Variants in RAI1 observed in about 807,000 individuals in gnomAD.
The protein encoded by RAI1 is retinoic acid induced 1.
RAI1 carries 9 observed loss-of-function variants against 123.8 expected under a neutral mutation model. The observed-to-expected ratio is 0.07, with a 90% CI of 0.04 to 0.13. The LOEUF (loss-of-function observed/expected upper bound fraction) is 0.13. RAI1 is among the 10% of genes least tolerant of loss of function. The pLI is 1.00. For synonymous variants in RAI1, 1,231 were observed against 1,127.3 expected (o/e 1.09, Z -1.84); for missense variants, 2,256 against 2,545.8 (o/e 0.89, Z 2.45).
In RAI1 at chr17:17,810,206, C is replaced by T; in HGVS notation, c.*225C>T. 4.7e-6 allele frequency: 3 copies of T among 642,252 alleles called. No individual in the cohort carries two copies. The highest frequency in any genetic ancestry group is 7.7e-6 in the Non-Finnish European group (3 of 387,988). The allele number at this position is 642,252 out of a possible 1,614,324, so 39.8% of individuals were successfully genotyped here. On this transcript the variant is annotated 3_prime_UTR_variant, in exon 6 of 6. Transcript: ENST00000353383. This position sits in a 1 kb window ranked among gnomAD's most constrained non-coding sequence, Gnocchi z 4.6. ...GTTCCGGAGCCGCCTGCTCCCGGAA[C>T]CGGACGGCACAGGGCGTTCTTGCCC...
chr17:17,781,789 G>T (rs1204286449), intron 2 of RAI1, among the ~76,000 whole-genome samples: 1 of 152,252 alleles, frequency 6.6e-6, no homozygotes, highest in African/African-American at 2.4e-5. Flanking sequence ...TGTTTAGAGC[G>T]GCTTAGGGAG....
At chr17:17,766,486 TCTC>T (rs942488165) in intron 2 of RAI1, among the ~76,000 whole-genome samples, 2 of 152,328 alleles carry the variant, frequency 1.3e-5, no homozygotes, top group African/African-American at 4.8e-5. Context: ...TGTAAGCTCT[TCTC>T]AGGCCAGAGA....
At chr17:17,785,121 C>G (rs961276904) in intron 2 of RAI1, among the ~76,000 whole-genome samples, 7 of 152,196 alleles carry the variant, frequency 4.6e-5, no homozygotes, top group African/African-American at 1.7e-4. Flanking sequence ...TCTCCGGCAC[C>G]CAGCTCGGCC....
chr17:17,701,576 G>C (rs1915225568), intron 1 of RAI1, among the ~76,000 whole-genome samples: 1 of 151,996 alleles, frequency 6.6e-6, no homozygotes, highest in Non-Finnish European at 1.5e-5. Flanking sequence ...TCTCTTCCAT[G>C]TCCCCTTGTA....
chr17:17,805,147 C>T (rs2032570729), intron 4 of RAI1, among the ~76,000 whole-genome samples: 1 of 152,228 alleles, frequency 6.6e-6, no homozygotes. Context: ...AGGCGTGAGC[C>T]ACTGTGCCCG....
Position 17,797,402 on chromosome 17 carries a change from A to C in RAI1, c.4454A>C (p.Gln1485Pro), listed in dbSNP as rs1261817630. 1 of 1,612,856 alleles carries C rather than the reference A, an allele frequency of 6.2e-7. No homozygotes were observed. Among genetic ancestry groups the C allele is most frequent in the Admixed American group, 1.7e-5 (1 of 59,998 alleles). Residue 1485 changes from glutamine (Q) to proline (P), a missense_variant, in exon 3 of 6, where the codon CAA (glutamine) becomes CCA (proline). Gln to Pro is a moderately conservative substitution (Grantham distance 76, BLOSUM62 -1). Coordinates refer to ENST00000353383, the MANE Select transcript of RAI1 (RefSeq NM_030665.4). ...LTPRDRASGT[Q>P]GASEDNSGGG... ...CCCCGAGACAGGGCCAGTGGCACAC[A>C]AGGGGCCAGTGAGGACAACTCTGGT...
chr17:17,810,915 A>G lies in RAI1; in HGVS notation c.*934A>G. 5.2e-6 allele frequency: 2 copies of G among 387,410 alleles called. No individual in the cohort carries two copies. Among genetic ancestry groups the G allele is most frequent in the Non-Finnish European group, 1.1e-5 (2 of 186,876 alleles). The allele number at this position is 387,410 out of a possible 1,614,324, so 24.0% of individuals were successfully genotyped here. A position where few individuals can be genotyped will look rare whatever the true frequency, so the allele number is the denominator to read the frequency against. The stretch of plus-strand genomic sequence containing the variant: ...ACAAAACCTGTGTACCCCTCTATAT[A>G]TATGTTACATAGAATGTATATATGT... On this transcript the variant is annotated 3_prime_UTR_variant, in exon 6 of 6. Transcript: ENST00000353383. The surrounding 1 kb of genome is among the most constrained non-coding windows in gnomAD (Gnocchi z 4.6).
At chr17:17,722,248 G>GATGCAGCGACGGATCC (rs2142925407) in intron 1 of RAI1, among the ~76,000 whole-genome samples, 1 of 152,336 alleles carries the variant, frequency 6.6e-6, no homozygotes, top group South Asian at 2.1e-4. Context: ...AAGGTGGGTG[G>GATGCAGCGACGGATCC]ATGCAGCGAC....
At chr17:17,753,448 G>C (rs995263184) in intron 2 of RAI1, among the ~76,000 whole-genome samples, 2 of 152,206 alleles carry the variant, frequency 1.3e-5, no homozygotes, top group Non-Finnish European at 2.9e-5. Flanking sequence ...TCATGAAATC[G>C]GCTTCACGGT....
intron 1 of RAI1, among the ~76,000 whole-genome samples, chr17:17,720,146 C>G (rs1598032881): frequency 6.6e-6 from 1 of 152,318 alleles, no homozygotes; most frequent in South Asian, 2.1e-4. Context: ...CCCCAGCCCT[C>G]TACCCACCCT....
intron 1 of RAI1, among the ~76,000 whole-genome samples, chr17:17,682,159 C>T (rs1413102262): frequency 9.0e-6 from 1 of 111,274 alleles, no homozygotes; most frequent in African/African-American, 3.5e-5. Context: ...GGGGTGGGGA[C>T]GTGGGGTGCA....
intron 2 of RAI1, among the ~76,000 whole-genome samples, chr17:17,742,416 T>TGAATGAATGAATGAATGAATGAATGAAC (rs1916670511): frequency 6.6e-6 from 1 of 150,570 alleles, no homozygotes; most frequent in Non-Finnish European, 1.5e-5. Context: ...GATCTTGGTT[T>TGAATGAATGAATGAATGAATGAATGAAC]GAATGAATGA....
chr17:17,740,673 C>T (rs1916594081), intron 2 of RAI1, among the ~76,000 whole-genome samples: 1 of 152,164 alleles, frequency 6.6e-6, no homozygotes, highest in Non-Finnish European at 1.5e-5. Context: ...CTTGGCTGCA[C>T]CTCCCTGGAC....
In RAI1 at chr17:17,795,397, G is replaced by A. The variant is rs1598090225; in HGVS notation, c.2449G>A (p.Gly817Arg). ...GGACTTCAAGCAGGAGGAGGTGGGT[G>A]GGGTGAAGGAGGAGGCAGGTGGGCT... is the stretch of plus-strand genomic sequence containing the variant. ...PGDFKQEEVG[G>R]VKEEAGGLLQ... The change falls in exon 3 of 6, where the codon GGG (glycine) becomes AGG (arginine). Residue 817 changes from glycine to arginine, a missense_variant. Gly to Arg is a moderately radical substitution (Grantham distance 125, BLOSUM62 -2). Coordinates refer to ENST00000353383, the MANE Select transcript of RAI1 (RefSeq NM_030665.4). This position sits in a 1 kb window ranked among gnomAD's most constrained non-coding sequence, Gnocchi z 5.9. 1.3e-6 allele frequency: 2 copies of A among 1,592,026 alleles called. No individual in the cohort carries two copies. Among genetic ancestry groups the A allele is most frequent in the South Asian group, 2.3e-5 (2 of 88,052 alleles).
intron 2 of RAI1, chr17:17,782,101 G>A (rs1304968961): frequency 1.3e-5 from 2 of 150,734 alleles, no homozygotes; most frequent in Non-Finnish European, 3.0e-5. Flanking sequence ...TTCGCAGAAA[G>A]GCACGCGGCT....
chr17:17,792,825 T>G (rs2032068023), intron 2 of RAI1, 108 bp from the exon 3 acceptor site: 4 of 934,300 alleles, frequency 4.3e-6, no homozygotes, highest in Non-Finnish European at 6.7e-6. Flanking sequence ...GGGTGCTTTC[T>G]GAGGCAAAAG....
chr17:17,778,610 G>C (rs2031439769), intron 2 of RAI1: 1 of 398,144 alleles, frequency 2.5e-6, no homozygotes, highest in African/African-American at 2.1e-5. Context: ...GGCAGATGGT[G>C]GCTCCTCTCA....
chr17:17,803,880 T>A, intron 4 of RAI1, 31 bp downstream of exon 4: 1 of 1,598,788 alleles, frequency 6.3e-7, no homozygotes, highest in Non-Finnish European at 8.6e-7. Flanking sequence ...AGGAGGGCAT[T>A]GGAGCCCATC....
chr17:17,755,962 A>G (rs1208086624), intron 2 of RAI1, among the ~76,000 whole-genome samples: 4 of 152,140 alleles, frequency 2.6e-5, no homozygotes, highest in African/African-American at 7.2e-5. Flanking sequence ...CTCACCAGGG[A>G]CCAGTGTCCC....
Sources: gnomAD v4.1 joint callset for allele counts (sites outside exome capture counted in the v4.1 genomes callset) on GRCh38, gnomAD v4.1.1 for gene constraint, Gnocchi (gnomAD v3.1) non-coding constraint, MANE v1.5 for transcripts, NCBI Gene and HGNC (gene_info 2026-07-23, HGNC 2026-07-21) for gene names.